Variants in PALLD observed in about 807,000 individuals in gnomAD.
PALLD encodes the protein palladin, cytoskeletal associated protein, also known as palladin.
In PALLD, 61 loss-of-function variants were observed where a neutral mutation model predicts 123.5. The observed-to-expected ratio is 0.49, with a 90% confidence interval of 0.40 to 0.61. The LOEUF is 0.61. Ranked by LOEUF, PALLD falls within the 20% of genes least tolerant of loss-of-function variation. The probability of loss-of-function intolerance (pLI) is 0.00; values close to 1 mark genes in which losing one functional copy is unlikely to be tolerated. For missense variants in PALLD, 1,273 were observed against 1,377.0 expected (o/e 0.92, Z 1.20); for synonymous variants, 465 against 496.4 (o/e 0.94, Z 0.84).
At chr4:168,660,225 G>T (rs1778997977) in intron 2 of PALLD, among the ~76,000 whole-genome samples, 1 of 152,168 alleles carries the variant, frequency 6.6e-6, no homozygotes. Flanking sequence ...AAGAATGGAA[G>T]TGACTGGTGG....
chr4:168,699,258 T>C (rs1412813153), intron 8 of PALLD, among the ~76,000 whole-genome samples: 1 of 152,122 alleles, frequency 6.6e-6, no homozygotes, highest in Non-Finnish European at 1.5e-5. Context: ...TTTGTATTTT[T>C]AGTAGAGATG....
In PALLD at chr4:168,499,261, AGGGAGGGAGGAT is replaced by A. The variant is rs200945386; in HGVS notation, c.-83+2103_-83+2114del. Among the ~76,000 whole-genome samples, 40 of 73,256 alleles carry A rather than the reference AGGGAGGGAGGAT, an allele frequency of 5.5e-4. 1 individual carries two copies. Among genetic ancestry groups the A allele is most frequent in the East Asian group, 1.1e-3 (3 of 2,640 alleles). The allele number at this position is 73,256 out of a possible 152,430, so 48.1% of individuals were successfully genotyped here. A position where few individuals can be genotyped will look rare whatever the true frequency, so the allele number is the denominator to read the frequency against. ...GAAGGAAGGGAGAAGGGAGGGAGGAAGGGAGGGAGGATGGGAGGGAGGATGGGAGGGAGGATG... is the reference window on the plus strand; with the variant it reads ...GAAGGAAGGGAGAAGGGAGGGAGGAAGGGAGGGAGGATGGGAGGGAGGATG... On this transcript the variant is annotated intron_variant, in intron 1 of 21. Transcript: ENST00000505667.
At chr4:168,732,014 A>G (rs1329620469) in intron 10 of PALLD, among the ~76,000 whole-genome samples, 1 of 152,214 alleles carries the variant, frequency 6.6e-6, no homozygotes, top group African/African-American at 2.4e-5. Flanking sequence ...GAAAATTAAT[A>G]CTTAACTTGT....
intron 2 of PALLD, among the ~76,000 whole-genome samples, chr4:168,541,964 A>C (rs1226577077): frequency 6.6e-6 from 1 of 152,214 alleles, no homozygotes; most frequent in Non-Finnish European, 1.5e-5. Context: ...TTTGAAGCTG[A>C]CATTTGAGTT....
chr4:168,905,151 T>G lies in PALLD; in HGVS notation c.2622+1245T>G, dbSNP rs1457719353. On this transcript the variant is annotated intron_variant, in intron 15 of 21. Transcript: ENST00000505667. ...TTTGTTTTGTTGGTTTTTTTTTTTT[T>G]TTTTTTTTTTTTTTTTTGAGATGGA... 7.1e-4 allele frequency among the ~76,000 whole-genome samples: 95 copies of G among 133,204 alleles called. 4 individuals are homozygous for G. The East Asian group carries it at 0.01, about 14-fold the overall frequency. The allele number at this position is 133,204 out of a possible 152,430, so 87.4% of individuals were successfully genotyped here.
chr4:168,767,951 C>T (rs929688285), intron 10 of PALLD, among the ~76,000 whole-genome samples: 1 of 152,136 alleles, frequency 6.6e-6, no homozygotes, highest in Non-Finnish European at 1.5e-5. Flanking sequence ...CCACCATTGC[C>T]CAGCTGTTAT....
intron 10 of PALLD, among the ~76,000 whole-genome samples, chr4:168,754,181 A>C (rs1438365771): frequency 2.6e-5 from 4 of 152,220 alleles, no homozygotes; most frequent in Non-Finnish European, 5.9e-5. Context: ...GAAAATGTGT[A>C]ACAAAACCTA....
intron 2 of PALLD, among the ~76,000 whole-genome samples, chr4:168,656,432 ATGGGGTG>A (rs1373621704): frequency 6.6e-6 from 1 of 151,982 alleles, no homozygotes; most frequent in Non-Finnish European, 1.5e-5. Context: ...TGAGTGACAG[ATGGGGTG>A]GGAACCTTTT....
intron 15 of PALLD, among the ~76,000 whole-genome samples, chr4:168,912,865 C>T (rs1221550605): frequency 6.6e-6 from 1 of 152,134 alleles, no homozygotes; most frequent in Non-Finnish European, 1.5e-5. Context: ...CTGGCTATCT[C>T]CCCGACCCCA....
chr4:168,515,472 G>A (rs2149438274), intron 2 of PALLD, among the ~76,000 whole-genome samples: 1 of 152,274 alleles, frequency 6.6e-6, no homozygotes, highest in South Asian at 2.1e-4. Flanking sequence ...GAGATGTCAG[G>A]AGAATCTAAA....
chr4:168,708,342 T>C (rs965080233), intron 8 of PALLD, among the ~76,000 whole-genome samples: 7 of 152,212 alleles, frequency 4.6e-5, no homozygotes, highest in Non-Finnish European at 7.4e-5. Flanking sequence ...GCATGACTAA[T>C]ACAAACTCTG....
chr4:168,920,657 C>T (rs986156849), intron 17 of PALLD, among the ~76,000 whole-genome samples: 23 of 152,134 alleles, frequency 1.5e-4, no homozygotes, highest in Admixed American at 1.5e-3. Context: ...CTCTGGTCCA[C>T]ACAACTGTCA....
At chr4:168,689,681 T>C (rs1293628678) in intron 6 of PALLD, among the ~76,000 whole-genome samples, 1 of 151,810 alleles carries the variant, frequency 6.6e-6, no homozygotes, top group Non-Finnish European at 1.5e-5. Flanking sequence ...CTGCTGACCC[T>C]AGGCGACCCA....
chr4:168,707,296 C>T (rs565585205), intron 8 of PALLD, among the ~76,000 whole-genome samples: 6 of 152,296 alleles, frequency 3.9e-5, no homozygotes, highest in African/African-American at 7.2e-5. Context: ...AACCATAATT[C>T]GGTGGGTGAA....
chr4:168,780,936 C>T lies in PALLD; in HGVS notation c.1964+69013C>T, dbSNP rs1250110288. ...CTCTTGACCTTAGGTGATCTGCCCA[C>T]TTCAGCCTCCCAAAGTGCTGGAATT... On this transcript the variant is annotated intron_variant, in intron 10 of 21. Coordinates refer to ENST00000505667, the MANE Select transcript of PALLD (RefSeq NM_001166108.2). Among the ~76,000 whole-genome samples, 9 of 152,186 alleles carry T rather than the reference C, an allele frequency of 5.9e-5. No homozygotes were observed. In the East Asian group the frequency reaches 1.5e-3, roughly 26 times the overall value.
intron 3 of PALLD, among the ~76,000 whole-genome samples, chr4:168,679,884 C>G (rs902990962): frequency 7.2e-5 from 11 of 151,942 alleles, no homozygotes; most frequent in Admixed American, 1.3e-4. Context: ...TGTGGTAGTC[C>G]AGGCCCCAGG....
chr4:168,898,481 T>C lies in PALLD; in HGVS notation c.2251-12T>C, dbSNP rs1429082856. The C allele has an allele frequency of 3.8e-6, 6 of 1,586,506 alleles. No individual in the cohort carries two copies. Among genetic ancestry groups the C allele is most frequent in the Non-Finnish European group, 5.2e-6 (6 of 1,155,124 alleles). On this transcript the variant is annotated splice_polypyrimidine_tract_variant and intron_variant, in intron 13 of 21. Coordinates refer to ENST00000505667, the MANE Select transcript of PALLD (RefSeq NM_001166108.2). The stretch of plus-strand genomic sequence containing the variant: ...GGATTGAGTCTGCTAACTTAAACTT[T>C]CCTTGATTCAGGAATACAAAGTCTC...
intron 2 of PALLD, among the ~76,000 whole-genome samples, chr4:168,654,997 G>A (rs1432725051): frequency 6.6e-6 from 1 of 152,182 alleles, no homozygotes; most frequent in Non-Finnish European, 1.5e-5. Flanking sequence ...GTGTGTGTGT[G>A]TGTGTGTGTA....
At position 168,693,164 on chromosome 4, in the gene PALLD, G is replaced by A. The variant is rs1276875693; in HGVS notation, c.1501+1872G>A. Among the ~76,000 whole-genome samples, 5 of 132,044 alleles carry A rather than the reference G, an allele frequency of 3.8e-5. 1 individual carries two copies. In the South Asian group the frequency reaches 8.3e-4, roughly 22 times the overall value. The allele number at this position is 132,044 out of a possible 152,430, so 86.6% of individuals were successfully genotyped here. ...TCCTTCTGTTTCACATCTACCCTGCGCCCTGCGTCTTCATCACTTATCCTA... is the reference window on the plus strand; with the variant it reads ...TCCTTCTGTTTCACATCTACCCTGCACCCTGCGTCTTCATCACTTATCCTA... On this transcript the variant is annotated intron_variant, in intron 8 of 21. Transcript: ENST00000505667.
Sources: gnomAD v4.1 joint callset for allele counts (sites outside exome capture counted in the v4.1 genomes callset) on GRCh38, gnomAD v4.1.1 for gene constraint, MANE v1.5 for transcripts, NCBI Gene and HGNC (gene_info 2026-07-23, HGNC 2026-07-21) for gene names.